Variants in SHANK2 observed in about 807,000 individuals in gnomAD.
SHANK2 encodes SH3 and multiple ankyrin repeat domains 2, also known as SH3 and multiple ankyrin repeat domains protein 2.
Under a neutral mutation model 133.7 loss-of-function variants are expected in SHANK2, and 43 were observed. That is an observed-to-expected ratio of 0.32 (90% CI 0.25 to 0.41). SHANK2 has a LOEUF of 0.41. Among genes scored for constraint, SHANK2 ranks in the 10% least tolerant of loss-of-function variants. The pLI, the probability that SHANK2 is intolerant of heterozygous loss-of-function variation, is 1.00. For synonymous variants in SHANK2, 1,017 were observed against 952.8 expected (o/e 1.07, Z -1.24); for missense variants, 1,994 against 2,235.8 (o/e 0.89, Z 2.18).
At chr11:70,687,703 G>A (rs1297814172) in intron 15 of SHANK2, among the ~76,000 whole-genome samples, 1 of 152,208 alleles carries the variant, frequency 6.6e-6, no homozygotes, top group African/African-American at 2.4e-5. Context: ...CTGCCGGCGG[G>A]GCTCAGGGAT....
At chr11:70,947,274 C>T (rs1590863310) in intron 10 of SHANK2, among the ~76,000 whole-genome samples, 1 of 151,952 alleles carries the variant, frequency 6.6e-6, no homozygotes, top group East Asian at 1.9e-4. Context: ...AACCCATCAA[C>T]TTCCAGAACA....
intron 14 of SHANK2, among the ~76,000 whole-genome samples, chr11:70,727,995 A>G (rs558990980): frequency 6.6e-6 from 1 of 152,352 alleles, no homozygotes; most frequent in Non-Finnish European, 1.5e-5. Context: ...GGGCTCAGCA[A>G]AGGCATTTAT....
intron 9 of SHANK2, among the ~76,000 whole-genome samples, chr11:71,061,530 G>A (rs1950985813): frequency 1.3e-5 from 2 of 152,172 alleles, no homozygotes; most frequent in Non-Finnish European, 2.9e-5. Flanking sequence ...TTAAAGTGGG[G>A]ATACCGGGCT....
intron 22 of SHANK2, among the ~76,000 whole-genome samples, chr11:70,491,279 C>T (rs1555155783): frequency 6.6e-6 from 1 of 152,258 alleles, no homozygotes; most frequent in Non-Finnish European, 1.5e-5. Flanking sequence ...TTGTCTCACT[C>T]TATGGCCCTG....
chr11:71,229,644 C>T (rs1954705172), intron 1 of SHANK2, among the ~76,000 whole-genome samples: 1 of 151,668 alleles, frequency 6.6e-6, no homozygotes, highest in African/African-American at 2.4e-5. Context: ...CCTGTAATCC[C>T]AGCTACTCAG....
At chr11:70,917,693 T>C (rs1363846909) in intron 10 of SHANK2, among the ~76,000 whole-genome samples, 3 of 152,150 alleles carry the variant, frequency 2.0e-5, no homozygotes, top group South Asian at 4.1e-4. Flanking sequence ...AACAAGATCA[T>C]GTCCTTTGCA....
intron 17 of SHANK2, among the ~76,000 whole-genome samples, chr11:70,571,797 A>T (rs1034659091): frequency 2.6e-5 from 4 of 151,932 alleles, no homozygotes; most frequent in African/African-American, 9.7e-5. Context: ...GTGCGGCATC[A>T]GGGGGCCCCA....
chr11:70,944,337 G>A (rs1950690884), intron 10 of SHANK2, among the ~76,000 whole-genome samples: 1 of 152,200 alleles, frequency 6.6e-6, no homozygotes, highest in South Asian at 2.1e-4. Context: ...GCCCGGCCCG[G>A]CCTCTGCCCG....
Position 70,739,321 on chromosome 11 carries a change from C to G in SHANK2, c.1778-40558G>C, listed in dbSNP as rs1946473396. 6.6e-6 allele frequency among the ~76,000 whole-genome samples: 1 copy of G among 152,198 alleles called. No homozygotes were observed. Among genetic ancestry groups the G allele is most frequent in the Admixed American group, 6.5e-5 (1 of 15,280 alleles). On this transcript the variant is annotated intron_variant, in intron 14 of 25. Transcript: ENST00000601538. This position sits in a 1 kb window ranked among gnomAD's most constrained non-coding sequence, Gnocchi z 4.3. ...CTCCACCCATCTCCACACATCTCCA[C>G]ACATCTCCACCTCCCCACAGAAGGG... is the stretch of plus-strand genomic sequence containing the variant.
chr11:71,219,578 T>G (rs1440599749), intron 2 of SHANK2, among the ~76,000 whole-genome samples: 2 of 151,774 alleles, frequency 1.3e-5, no homozygotes, highest in Non-Finnish European at 2.9e-5. Flanking sequence ...AGAATGGCTA[T>G]TTTAAAAAAC....
Position 70,500,451 on chromosome 11 carries a change from C to T in SHANK2, c.2308+119G>A. The T allele has an allele frequency of 7.2e-7, 1 of 1,395,594 alleles. No homozygotes were observed. Among genetic ancestry groups the T allele is most frequent in the South Asian group, 1.2e-5 (1 of 80,704 alleles). 86.5% of individuals were successfully genotyped at this position (1,395,594 alleles called of 1,614,324 possible). A position where few individuals can be genotyped will look rare whatever the true frequency, so the allele number is the denominator to read the frequency against. On this transcript the variant is annotated intron_variant, in intron 21 of 25. Coordinates refer to ENST00000601538, the MANE Select transcript of SHANK2 (RefSeq NM_012309.5). The surrounding 1 kb of genome is among the most constrained non-coding windows in gnomAD (Gnocchi z 4.5). The stretch of plus-strand genomic sequence containing the variant: ...GCAGGGCTCCTCGGGCAGGACCCAG[C>T]AGGAGAAGCCAACAAGGCTTTGCGA...
chr11:71,139,105 T>C (rs1392346046), intron 3 of SHANK2, among the ~76,000 whole-genome samples: 3 of 152,076 alleles, frequency 2.0e-5, no homozygotes, highest in South Asian at 2.1e-4. Flanking sequence ...GCTTTATAAA[T>C]GGAAGCACTG....
rs1036513294 is a variant in SHANK2, at chr11:71,072,331, C to T, written c.1029+2828G>A. The stretch of plus-strand genomic sequence containing the variant: ...CCCCCACGCCCCTGCTTCACCTCCC[C>T]GTGAGGCCACGGTGCACACACTGGG... On this transcript the variant is annotated intron_variant, in intron 9 of 25. Transcript: ENST00000601538. 6.6e-5 allele frequency among the ~76,000 whole-genome samples: 10 copies of T among 152,320 alleles called. No homozygotes were observed. In the South Asian group the frequency reaches 1.5e-3, roughly 22 times the overall value.
At chr11:70,812,985 A>G (rs1266650085) in intron 12 of SHANK2, among the ~76,000 whole-genome samples, 1 of 152,118 alleles carries the variant, frequency 6.6e-6, no homozygotes, top group Non-Finnish European at 1.5e-5. Context: ...TGGCCGACAT[A>G]CTGACCTTTC....
intron 17 of SHANK2, among the ~76,000 whole-genome samples, chr11:70,625,159 T>A (rs1435289364): frequency 1.3e-5 from 2 of 151,706 alleles, no homozygotes; most frequent in Non-Finnish European, 2.9e-5. Flanking sequence ...GGGGGCAGAG[T>A]CCAGGAGGGT....
At chr11:71,246,369 C>T (rs781813634) in intron 1 of SHANK2, among the ~76,000 whole-genome samples, 1 of 151,998 alleles carries the variant, frequency 6.6e-6, no homozygotes, top group African/African-American at 2.4e-5. Flanking sequence ...ACTGATGAGC[C>T]GGAGTGAGGA....
At position 70,484,832 on chromosome 11, in the gene SHANK2, G is replaced by A. The variant is rs553250573; in HGVS notation, c.4979+482C>T. The stretch of plus-strand genomic sequence containing the variant: ...TGTGCCTCCCAAGCCCGCAAACCTG[G>A]TAGTGATGGGAGGGGAAGAAGAACC... On this transcript the variant is annotated intron_variant, in intron 25 of 25. Transcript: ENST00000601538. 2.8e-4 allele frequency among the ~76,000 whole-genome samples: 42 copies of A among 152,310 alleles called. 1 individual carries two copies. The South Asian group carries it at 8.1e-3, about 29-fold the overall frequency.
chr11:70,482,490 G>A (rs1367392316), intron 25 of SHANK2, among the ~76,000 whole-genome samples: 1 of 152,232 alleles, frequency 6.6e-6, no homozygotes, highest in Non-Finnish European at 1.5e-5. Flanking sequence ...GTCAAACCCT[G>A]AGCCAGCTCC....
intron 13 of SHANK2, among the ~76,000 whole-genome samples, chr11:70,803,441 T>C (rs1367237421): frequency 1.4e-5 from 2 of 147,620 alleles, no homozygotes; most frequent in East Asian, 3.9e-4. Context: ...CTGTGTCACA[T>C]GCTTGGGAAA....
Sources: allele counts gnomAD v4.1 joint callset (sites outside exome capture counted in the v4.1 genomes callset), GRCh38; gene constraint gnomAD v4.1.1; non-coding constraint Gnocchi (gnomAD v3.1); transcripts MANE v1.5; gene names NCBI Gene and HGNC (gene_info 2026-07-23, HGNC 2026-07-21).